The following RAB36 variants were observed in gnomAD, a reference collection of about 807,000 sequenced individuals.
RAB36 encodes the protein RAB36, member RAS oncogene family, also known as ras-related protein Rab-36.
RAB36 carries 33 observed loss-of-function variants against 39.3 expected under a neutral mutation model. That is an observed-to-expected ratio of 0.84 (90% CI 0.64 to 1.12). The LOEUF is 1.12. RAB36 is among the 50% of genes most tolerant of loss of function. RAB36 has a pLI of 0.00. For synonymous variants in RAB36, 133 were observed against 140.2 expected (o/e 0.95, Z 0.36); for missense variants, 308 against 355.3 (o/e 0.87, Z 1.07).
downstream of RAB36, among the ~76,000 whole-genome samples, chr22:23,168,672 T>C (rs542735764): frequency 1.8e-4 from 27 of 152,294 alleles, no homozygotes; most frequent in African/African-American, 6.0e-4. Flanking sequence ...CACATGCTCC[T>C]TCCAGGCAGC....
At chr22:23,147,243 C>T (rs1332523759) in intron 2 of RAB36, among the ~76,000 whole-genome samples, 1 of 152,144 alleles carries the variant, frequency 6.6e-6, no homozygotes, top group Non-Finnish European at 1.5e-5. Flanking sequence ...GCAGGGAATA[C>T]AAATTGAGTA....
In RAB36 at chr22:23,163,613, C is replaced by CCCA. The variant is rs2071941454; in HGVS notation, c.*2051_*2052insACC. 6.7e-6 allele frequency: 1 copy of CCCA among 148,568 alleles called. No individual in the cohort carries two copies. The highest frequency in any genetic ancestry group is 2.4e-5 in the African/African-American group (1 of 40,904). 9.2% of individuals were successfully genotyped at this position (148,568 alleles called of 1,614,324 possible). A position where few individuals can be genotyped will look rare whatever the true frequency, so the allele number is the denominator to read the frequency against. On this transcript the variant is annotated 3_prime_UTR_variant, in exon 11 of 11. Transcript: ENST00000263116. ...ATAAAATACAAGGTGAAAGCCCCCC[C>CCCA]CCCGCCACATTAGCTGCGCCCCTGA...
intron 6 of RAB36, 84 bp from the exon 7 acceptor site, chr22:23,157,908 C>CT (rs2071550438): frequency 1.3e-6 from 2 of 1,597,430 alleles, no homozygotes; most frequent in South Asian, 2.3e-5. Context: ...CTGGCAGTTC[C>CT]TTGGGAGCTG....
At chr22:23,158,133 C>G (rs2071564273) in intron 7 of RAB36, 90 bp downstream of exon 7, 2 of 1,569,908 alleles carry the variant, frequency 1.3e-6, no homozygotes, top group Non-Finnish European at 1.7e-6. Flanking sequence ...GGACCCTGAC[C>G]CCGTGGTGGG....
upstream of RAB36, chr22:23,145,324 T>C: frequency 2.0e-6 from 3 of 1,502,256 alleles, no homozygotes; most frequent in Non-Finnish European, 2.7e-6. Context: ...GGAGTCTCTC[T>C]GCTGCCAGCC....
rs144377208 is a variant in RAB36 at position 23,151,196 on chromosome 22, G to C, written c.161+1042G>C. ...AGCTGAGATCAGAATAGCCGAAGTGGCCATGGTGGTGGGATGAGAGTAATG... is the reference window on the plus strand; with the variant it reads ...AGCTGAGATCAGAATAGCCGAAGTGCCCATGGTGGTGGGATGAGAGTAATG... On this transcript the variant is annotated intron_variant, in intron 3 of 10. Coordinates refer to ENST00000263116, the MANE Select transcript of RAB36 (RefSeq NM_004914.5). Among the ~76,000 whole-genome samples the C allele has an allele frequency of 3.8e-3, 581 of 152,318 alleles. 5 individuals are homozygous for C. The highest frequency in any genetic ancestry group is 0.013 in the African/African-American group (539 of 41,576).
At chr22:23,147,696 A>G (rs533907650) in intron 2 of RAB36, among the ~76,000 whole-genome samples, 1 of 152,288 alleles carries the variant, frequency 6.6e-6, no homozygotes, top group East Asian at 1.9e-4. Flanking sequence ...AATGTGCATA[A>G]GGATAGGGGT....
In RAB36 at chr22:23,145,656, C is replaced by T. The variant is rs768026058; in HGVS notation, c.-13+105C>T. On this transcript the variant is annotated intron_variant, in intron 1 of 10. Coordinates refer to ENST00000263116, the MANE Select transcript of RAB36 (RefSeq NM_004914.5). ...GGGCACAGCGTCCGCGCCCACTTCCCGCCCCTATAACTTGAAAGCGGCCTG... is the reference window on the plus strand; with the variant it reads ...GGGCACAGCGTCCGCGCCCACTTCCTGCCCCTATAACTTGAAAGCGGCCTG... 4.5e-4 allele frequency: 585 copies of T among 1,298,940 alleles called. 1 individual carries two copies. Among genetic ancestry groups the T allele is most frequent in the Non-Finnish European group, 5.9e-4 (567 of 959,600 alleles). 80.5% of individuals were successfully genotyped at this position (1,298,940 alleles called of 1,614,324 possible).
Position 23,159,238 on chromosome 22 carries a change from G to C in RAB36, c.604G>C (p.Val202Leu), listed in dbSNP as rs746579209. 1 of 1,596,904 alleles carries C rather than the reference G, an allele frequency of 6.3e-7. No individual in the cohort carries two copies. Among genetic ancestry groups the C allele is most frequent in the Non-Finnish European group, 8.5e-7 (1 of 1,172,142 alleles). The change falls in exon 9 of 11, where the codon GTG (valine) becomes CTG (leucine). Residue 202 changes from valine (V) to leucine (L), a missense_variant. Physicochemically the swap from Val to Leu is conservative, Grantham distance 32. Transcript: ENST00000263116. ...AREMQAEYWS[V>L]SAKTGENVKA... ...GGAGATGCAGGCCGAGTACTGGTCA[G>C]TGTCGGCCAAGACTGGTGAGTGGGC... is the stretch of plus-strand genomic sequence containing the variant.
At chr22:23,148,007 G>T (rs1349516051) in intron 2 of RAB36, among the ~76,000 whole-genome samples, 2 of 152,172 alleles carry the variant, frequency 1.3e-5, no homozygotes, top group Non-Finnish European at 2.9e-5. Flanking sequence ...TACTCTCAGT[G>T]GTTGCCTCTG....
At chr22:23,146,781 C>T (rs1303217898) in intron 2 of RAB36, 96 bp downstream of exon 2, 1 of 1,507,406 alleles carries the variant, frequency 6.6e-7, no homozygotes, top group Non-Finnish European at 8.9e-7. Flanking sequence ...GCAGGTGAAT[C>T]AAGGAGGTCT....
rs750541582 is a variant in RAB36 at position 23,159,188 on chromosome 22, A to C, written c.554A>C (p.Glu185Ala). Residue 185 changes from glutamate (E) to alanine (A), a missense_variant, in exon 9 of 11, where the codon GAA (glutamate) becomes GCA (alanine). Glu to Ala is a moderately radical substitution (Grantham distance 107). Coordinates refer to ENST00000263116, the MANE Select transcript of RAB36 (RefSeq NM_004914.5). ...LLSGAACEQA[E>A]ADAVHLAREM... ...TCAGGGGCCGCATGTGAGCAGGCCG[A>C]AGCAGACGCTGTGCACCTGGCCAGG... 12 of 1,611,080 alleles carry C rather than the reference A, an allele frequency of 7.4e-6. No homozygotes were observed. The highest frequency in any genetic ancestry group is 9.3e-6 in the Non-Finnish European group (11 of 1,179,080).
At chr22:23,165,731 A>G (rs780222389), downstream of RAB36, among the ~76,000 whole-genome samples, 1 of 152,226 alleles carries the variant, frequency 6.6e-6, no homozygotes, top group Non-Finnish European at 1.5e-5. Flanking sequence ...TGACTCTCCC[A>G]GAGTCCAAAA....
At chr22:23,151,131 C>T (rs1365205710) in intron 3 of RAB36, among the ~76,000 whole-genome samples, 1 of 152,242 alleles carries the variant, frequency 6.6e-6, no homozygotes, top group African/African-American at 2.4e-5. Flanking sequence ...CCAGAGAGCG[C>T]AGCTAGAGGT....
intron 3 of RAB36, 22 bp downstream of exon 3, chr22:23,150,176 T>C: frequency 2.5e-6 from 4 of 1,582,850 alleles, no homozygotes; most frequent in Non-Finnish European, 3.5e-6. Context: ...GGGTGTGGGA[T>C]GGGGGAGCAG....
chr22:23,156,023 G>T lies in RAB36; in HGVS notation c.385G>T (p.Gly129Cys). The T allele has an allele frequency of 6.2e-7, 1 of 1,612,160 alleles. No homozygotes were observed. The highest frequency in any genetic ancestry group is 1.1e-5 in the South Asian group (1 of 90,662). ...FKCIASAYYR[G>C]AQVIITAFDL... ...GTGCATCGCATCTGCCTACTACCGG[G>T]GTGCCCAGGGTGAGCAACATGCCAC... Residue 129 changes from glycine to cysteine, a missense_variant, in exon 6 of 11, where the codon GGT becomes TGT. Physicochemically the swap from Gly to Cys is radical, Grantham distance 159. Coordinates refer to ENST00000263116, the MANE Select transcript of RAB36 (RefSeq NM_004914.5).
chr22:23,158,919 G>A lies in RAB36; in HGVS notation c.468G>A (p.Leu156=), dbSNP rs1319584771. 6.2e-7 allele frequency: 1 copy of A among 1,614,194 alleles called. No individual in the cohort carries two copies. The highest frequency in any genetic ancestry group is 2.2e-5 in the East Asian group (1 of 44,878). Residue 156 remains leucine (L), a synonymous_variant, in exon 8 of 11, where the codon CTG becomes CTA. Transcript: ENST00000263116. ...EHTRQWLEDA[L]RENEAGSCFI... ...CCAGGCAGTGGTTGGAGGATGCTCT[G>A]AGGGAGAACGAGGCAGGCTCCTGCT...
chr22:23,165,116 C>T lies in RAB36; in HGVS notation c.*3552C>T, dbSNP rs889340672. 2.6e-5 allele frequency among the ~76,000 whole-genome samples: 4 copies of T among 152,190 alleles called. No homozygotes were observed. The highest frequency in any genetic ancestry group is 9.7e-5 in the African/African-American group (4 of 41,434). ...CACCCATCTGTGGAACCCCAAGAGC[C>T]AGGACAGTGACCTCATCACCTCTAC... On this transcript the variant is annotated 3_prime_UTR_variant, in exon 11 of 11. Transcript: ENST00000263116.
chr22:23,161,464 C>T (rs713682), intron 10 of RAB36, 36 bp from the exon 11 acceptor site: 778,145 of 1,551,242 alleles, frequency 0.5, 196,926 homozygotes, highest in East Asian at 0.63. Flanking sequence ...TACAGGATTC[C>T]TGGTTGATGC....
Sources: gnomAD v4.1 joint callset for allele counts (sites outside exome capture counted in the v4.1 genomes callset) on GRCh38, gnomAD v4.1.1 for gene constraint, MANE v1.5 for transcripts, NCBI Gene and HGNC (gene_info 2026-07-23, HGNC 2026-07-21) for gene names.